THAP12: variants seen among roughly 807,000 people sequenced by gnomAD.
The protein encoded by THAP12 is THAP domain containing 12.
THAP12 carries 20 observed loss-of-function variants against 63.0 expected under a neutral mutation model. The ratio of observed to expected loss-of-function variants is 0.32; its 90% CI spans 0.22 to 0.46. The LOEUF is 0.46. Among genes scored for constraint, THAP12 ranks in the 20% least tolerant of loss-of-function variants. The pLI is 1.00. For synonymous variants in THAP12, 264 were observed against 328.4 expected (o/e 0.80, Z 2.12); for missense variants, 568 against 908.2 (o/e 0.63, Z 4.81).
At chr11:76,361,149 A>G in intron 2 of THAP12, 86 bp from the exon 3 acceptor site, 2 of 807,704 alleles carry the variant, frequency 2.5e-6, no homozygotes, top group South Asian at 3.4e-5. Flanking sequence ...GACCTCCACA[A>G]TATTCCTTCA....
At chr11:76,361,848 T>TAA (rs1946599769) in intron 2 of THAP12, among the ~76,000 whole-genome samples, 1 of 152,216 alleles carries the variant, frequency 6.6e-6, no homozygotes, top group Admixed American at 6.5e-5. Context: ...TAACACATAC[T>TAA]ACAAAACTTC....
chr11:76,362,751 TAA>T (rs1202108654), intron 2 of THAP12, among the ~76,000 whole-genome samples: 3 of 152,232 alleles, frequency 2.0e-5, no homozygotes, highest in Non-Finnish European at 4.4e-5. Flanking sequence ...AACAAATTTT[TAA>T]AAGTCAAATC....
At chr11:76,368,181 TCAGA>T (rs1395934450) in intron 1 of THAP12, among the ~76,000 whole-genome samples, 1 of 152,166 alleles carries the variant, frequency 6.6e-6, no homozygotes, top group Non-Finnish European at 1.5e-5. Flanking sequence ...CAACTCTTAT[TCAGA>T]CAATCAAGAA....
intron 1 of THAP12, among the ~76,000 whole-genome samples, chr11:76,368,882 C>T (rs1946651021): frequency 6.6e-6 from 1 of 152,114 alleles, no homozygotes; most frequent in Non-Finnish European, 1.5e-5. Flanking sequence ...AGCACAAATG[C>T]TAGAGGAAAA....
At chr11:76,371,362 T>G (rs1370260581) in intron 1 of THAP12, among the ~76,000 whole-genome samples, 1 of 152,200 alleles carries the variant, frequency 6.6e-6, no homozygotes, top group East Asian at 1.9e-4. Flanking sequence ...CACAGTTAAC[T>G]ATGACTCAGC....
intron 1 of THAP12, among the ~76,000 whole-genome samples, chr11:76,366,737 G>A (rs1009286717): frequency 6.6e-6 from 1 of 151,658 alleles, no homozygotes; most frequent in African/African-American, 2.4e-5. Flanking sequence ...GTTTCTAAGG[G>A]AAGCATAAAG....
intron 1 of THAP12, among the ~76,000 whole-genome samples, chr11:76,379,024 C>T (rs566084718): frequency 6.6e-6 from 1 of 152,290 alleles, no homozygotes; most frequent in African/African-American, 2.4e-5. Context: ...CGTTAAAAAT[C>T]TTGAAGTCGG....
At chr11:76,353,614 C>G (rs1198490834) in intron 4 of THAP12, among the ~76,000 whole-genome samples, 1 of 152,240 alleles carries the variant, frequency 6.6e-6, no homozygotes, top group Non-Finnish European at 1.5e-5. Context: ...AAAACTGAGG[C>G]CCTACAGGCT....
intron 4 of THAP12, among the ~76,000 whole-genome samples, chr11:76,353,597 G>C (rs1048105501): frequency 7.2e-5 from 11 of 152,192 alleles, no homozygotes; most frequent in Admixed American, 2.6e-4. Flanking sequence ...TCTTCACAGG[G>C]GATAGGAAAA....
chr11:76,373,394 T>C (rs1946687575), intron 1 of THAP12, among the ~76,000 whole-genome samples: 3 of 150,114 alleles, frequency 2.0e-5, no homozygotes, highest in South Asian at 2.1e-4. Flanking sequence ...ACTCACCCCA[T>C]TGTTTGGAAG....
Position 76,352,017 on chromosome 11 carries a change from G to C in THAP12, c.1133C>G (p.Ser378Cys). Reference protein sequence around the residue: ...LAKSVPVMGVSVALGTIEEVC... With the variant: ...LAKSVPVMGVCVALGTIEEVC... ...TTCCTCAATTGTTCCTAATGCAACA[G>C]ATACTCCCATAACAGGTACTGATTT... The change falls in exon 5 of 5, where the codon TCT (serine) becomes TGT (cysteine). Residue 378 changes from serine (S) to cysteine (C), a missense_variant. Transcript: ENST00000260045. The C allele has an allele frequency of 6.2e-7, 1 of 1,610,346 alleles. No individual in the cohort carries two copies.
At chr11:76,379,217 A>C (rs1427390772) in intron 1 of THAP12, among the ~76,000 whole-genome samples, 3 of 152,106 alleles carry the variant, frequency 2.0e-5, no homozygotes, top group Non-Finnish European at 4.4e-5. Context: ...TGTTGGCTTC[A>C]CCTTCAAACC....
intron 1 of THAP12, among the ~76,000 whole-genome samples, chr11:76,370,524 G>C (rs1416761397): frequency 6.6e-6 from 1 of 151,828 alleles, no homozygotes; most frequent in African/African-American, 2.4e-5. Context: ...CACCATGCCT[G>C]GCTAACTTTT....
chr11:76,368,381 T>C (rs1333893046), intron 1 of THAP12, among the ~76,000 whole-genome samples: 3 of 152,168 alleles, frequency 2.0e-5, no homozygotes, highest in Admixed American at 6.6e-5. Context: ...CCCAAACCCA[T>C]TTACTAATTC....
intron 1 of THAP12, among the ~76,000 whole-genome samples, chr11:76,372,104 C>T (rs1346075317): frequency 6.6e-6 from 1 of 151,272 alleles, no homozygotes; most frequent in Non-Finnish European, 1.5e-5. Context: ...AGCCATCGTG[C>T]CTGGCCTATC....
At chr11:76,364,293 T>C (rs949806894) in intron 2 of THAP12, 19 of 253,274 alleles carry the variant, frequency 7.5e-5, no homozygotes, top group Non-Finnish European at 3.2e-5. Context: ...GCAAAAATAT[T>C]CCTCAAATAT....
chr11:76,367,081 C>CTT (rs544146351), intron 1 of THAP12, among the ~76,000 whole-genome samples: 20,568 of 145,486 alleles, frequency 0.14, 1,495 homozygotes, highest in South Asian at 0.24. Context: ...CTTTTCTTTT[C>CTT]TTTTTTTTTT....
chr11:76,367,576 C>T (rs945253073), intron 1 of THAP12, among the ~76,000 whole-genome samples: 2 of 151,952 alleles, frequency 1.3e-5, no homozygotes, highest in African/African-American at 2.4e-5. Flanking sequence ...GCGTGCACCA[C>T]GACACTCAGC....
At chr11:76,380,368 G>C (rs529131367) in intron 1 of THAP12, among the ~76,000 whole-genome samples, 10 of 152,316 alleles carry the variant, frequency 6.6e-5, no homozygotes, top group African/African-American at 2.4e-4. Context: ...CACAACCATA[G>C]AGTCCTGCTC....
Sources: gnomAD v4.1 joint callset for allele counts (sites outside exome capture counted in the v4.1 genomes callset) on GRCh38, gnomAD v4.1.1 for gene constraint, MANE v1.5 for transcripts, NCBI Gene and HGNC (gene_info 2026-07-23, HGNC 2026-07-21) for gene names.